Variants in MAST4 observed in about 807,000 individuals in gnomAD.
The protein encoded by MAST4 is microtubule associated serine/threonine kinase family member 4.
A neutral mutation model predicts 162.7 loss-of-function variants in MAST4; 89 were observed. The ratio of observed to expected loss-of-function variants is 0.55; its 90% CI spans 0.46 to 0.65. The LOEUF is 0.65. Among genes scored for constraint, MAST4 ranks in the 30% least tolerant of loss-of-function variants. The pLI, the probability that MAST4 is intolerant of heterozygous loss-of-function variation, is 0.00. For missense variants in MAST4, 3,153 were observed against 3,374.0 expected (o/e 0.93, Z 1.62); for synonymous variants, 1,479 against 1,361.1 (o/e 1.09, Z -1.91).
intron 5 of MAST4, among the ~76,000 whole-genome samples, chr5:67,058,925 A>G (rs140557737): frequency 3.9e-4 from 59 of 152,406 alleles, no homozygotes; most frequent in African/African-American, 1.4e-3. Context: ...CTCATAATTT[A>G]CTGGTTTAAA....
chr5:66,709,707 A>G (rs1406118081), intron 1 of MAST4, among the ~76,000 whole-genome samples: 1 of 152,212 alleles, frequency 6.6e-6, no homozygotes, highest in Non-Finnish European at 1.5e-5. Flanking sequence ...AATTATAAAC[A>G]TTCAATTAAG....
chr5:67,133,438 G>T (rs140766642), intron 16 of MAST4, 76 bp from the exon 17 acceptor site: 6 of 1,504,976 alleles, frequency 4.0e-6, no homozygotes, highest in South Asian at 1.2e-5. Flanking sequence ...AGAAACTGAG[G>T]GGGGAAGGGA....
At chr5:66,677,669 G>A (rs952394554) in intron 1 of MAST4, among the ~76,000 whole-genome samples, 3 of 152,164 alleles carry the variant, frequency 2.0e-5, no homozygotes, top group Non-Finnish European at 4.4e-5. Context: ...GCAGAGATGT[G>A]TGTTTGAGGA....
At chr5:66,770,743 T>C (rs1754323116) in intron 2 of MAST4, among the ~76,000 whole-genome samples, 1 of 152,222 alleles carries the variant, frequency 6.6e-6, no homozygotes, top group South Asian at 2.1e-4. Flanking sequence ...ACCTGAGCCC[T>C]GGATAGTGTT....
intron 15 of MAST4, among the ~76,000 whole-genome samples, chr5:67,131,592 C>T (rs370976543): frequency 5.9e-5 from 9 of 152,248 alleles, no homozygotes; most frequent in African/African-American, 2.2e-4. Context: ...AGAGCCAAAC[C>T]TCCTCTCTTA....
intron 4 of MAST4, among the ~76,000 whole-genome samples, chr5:67,008,309 G>T (rs922360028): frequency 6.6e-6 from 1 of 152,204 alleles, no homozygotes; most frequent in Non-Finnish European, 1.5e-5. Flanking sequence ...ATTCATTGAG[G>T]ATCCTCTCAC....
intron 3 of MAST4, among the ~76,000 whole-genome samples, chr5:66,839,205 A>G (rs1758247652): frequency 2.0e-5 from 3 of 152,252 alleles, no homozygotes; most frequent in Middle Eastern, 3.4e-3. Context: ...AGAGCAAGAG[A>G]TAAATGTGAC....
At chr5:66,625,677 T>C (rs1320525949) in intron 1 of MAST4, among the ~76,000 whole-genome samples, 1 of 152,166 alleles carries the variant, frequency 6.6e-6, no homozygotes, top group Non-Finnish European at 1.5e-5. Context: ...ATGGGAATCC[T>C]AGTACACAGC....
At position 66,848,740 on chromosome 5, in the gene MAST4, A is replaced by G. The variant is rs73765342; in HGVS notation, c.643-51211A>G. On this transcript the variant is annotated intron_variant, in intron 3 of 28. Coordinates refer to ENST00000403625, the MANE Select transcript of MAST4 (RefSeq NM_001164664.2). ...TATTTCTTTTCCTTCTTTTCTTCCT[A>G]GTTTTCTTCCTCTTCTCTCCAGTGT... is the stretch of plus-strand genomic sequence containing the variant. 6.0e-3 allele frequency among the ~76,000 whole-genome samples: 918 copies of G among 152,124 alleles called. 7 individuals are homozygous for G. The highest frequency in any genetic ancestry group is 0.02 in the African/African-American group (826 of 41,488).
intron 1 of MAST4, among the ~76,000 whole-genome samples, chr5:66,649,068 G>A (rs1350842937): frequency 6.6e-6 from 1 of 152,156 alleles, no homozygotes; most frequent in Non-Finnish European, 1.5e-5. Flanking sequence ...GTCTCCAAAT[G>A]CCTGTGTTCT....
intron 4 of MAST4, among the ~76,000 whole-genome samples, chr5:66,903,417 T>TA (rs1419318233): frequency 6.7e-6 from 1 of 149,438 alleles, no homozygotes; most frequent in Non-Finnish European, 1.5e-5. Flanking sequence ...AACAATGATG[T>TA]AAACATTCTC....
chr5:66,914,839 C>A (rs1384091706), intron 4 of MAST4, among the ~76,000 whole-genome samples: 1 of 152,138 alleles, frequency 6.6e-6, no homozygotes, highest in Non-Finnish European at 1.5e-5. Context: ...CTCTCACTGT[C>A]TTCTAGTGGA....
At chr5:66,806,994 A>G (rs1724365019) in intron 3 of MAST4, among the ~76,000 whole-genome samples, 1 of 152,202 alleles carries the variant, frequency 6.6e-6, no homozygotes, top group Admixed American at 6.5e-5. Context: ...CCTGGGTACC[A>G]TGTCTCACAT....
intron 1 of MAST4, among the ~76,000 whole-genome samples, chr5:66,613,042 ATTT>A (rs1743396872): frequency 6.6e-6 from 1 of 152,132 alleles, no homozygotes; most frequent in Admixed American, 6.5e-5. Context: ...CTTTAAAAAG[ATTT>A]GTATCTTGCT....
intron 24 of MAST4, among the ~76,000 whole-genome samples, chr5:67,151,448 GC>G (rs1771794185): frequency 6.6e-6 from 1 of 152,150 alleles, no homozygotes; most frequent in African/African-American, 2.4e-5. Context: ...CCTCCCAGAG[GC>G]CCCACCTCTT....
At position 67,163,758 on chromosome 5, in the gene MAST4, C is replaced by G; in HGVS notation, c.4579C>G (p.Leu1527Val). Residue 1527 changes from leucine (L) to valine (V), a missense_variant, in exon 29 of 29, where the codon CTG (leucine) becomes GTG (valine). Leu to Val is a conservative substitution (Grantham distance 32, BLOSUM62 1). Around this residue, in one of 7 missense-constraint regions of MAST4, gnomAD observed 1,644 missense variants for 1,495.0 expected, o/e 1.10. Transcript: ENST00000403625. The surrounding 1 kb of genome is among the most constrained non-coding windows in gnomAD (Gnocchi z 7.0). ...KVGRQESVDDLDRDKLKAKVV... is the reference protein window; with the variant it reads ...KVGRQESVDDVDRDKLKAKVV... ...GGGCCGCCAGGAGTCTGTGGACGAC[C>G]TGGACCGCGACAAGCTGAAGGCCAA... 1 of 1,609,982 alleles carries G rather than the reference C, an allele frequency of 6.2e-7. No individual in the cohort carries two copies. The highest frequency in any genetic ancestry group is 1.1e-5 in the South Asian group (1 of 90,342).
intron 3 of MAST4, among the ~76,000 whole-genome samples, chr5:66,866,074 C>A (rs1165659758): frequency 3.4e-3 from 389 of 115,602 alleles, no homozygotes; most frequent in African/African-American, 3.5e-3. Flanking sequence ...ATCTCCATCT[C>A]AAAAAAAAAA....
At chr5:66,722,848 C>A (rs564152172) in intron 1 of MAST4, among the ~76,000 whole-genome samples, 1 of 151,928 alleles carries the variant, frequency 6.6e-6, no homozygotes, top group African/African-American at 2.4e-5. Flanking sequence ...GGAGAGATAC[C>A]CTCCTTACTT....
At chr5:66,936,427 T>G (rs1183538081) in intron 4 of MAST4, among the ~76,000 whole-genome samples, 1 of 152,158 alleles carries the variant, frequency 6.6e-6, no homozygotes, top group African/African-American at 2.4e-5. Context: ...TTTAATCACC[T>G]GGGTGCAGGC....
Sources: allele counts gnomAD v4.1 joint callset (sites outside exome capture counted in the v4.1 genomes callset), GRCh38; gene constraint gnomAD v4.1.1; regional missense constraint gnomAD v4.1.1; non-coding constraint Gnocchi (gnomAD v3.1); transcripts MANE v1.5; gene names NCBI Gene and HGNC (gene_info 2026-07-23, HGNC 2026-07-21).